The following ADGRL2 variants were observed in gnomAD, a reference collection of about 807,000 sequenced individuals.
ADGRL2 encodes the protein adhesion G protein-coupled receptor L2.
A neutral mutation model predicts 157.4 loss-of-function variants in ADGRL2; 44 were observed. The observed-to-expected ratio is 0.28, with a 90% CI of 0.22 to 0.36. ADGRL2 has a LOEUF of 0.36. Ranked by LOEUF, ADGRL2 falls within the 10% of genes least tolerant of loss-of-function variation. The pLI, the probability that ADGRL2 is intolerant of heterozygous loss-of-function variation, is 1.00. For synonymous variants in ADGRL2, 585 were observed against 624.7 expected (o/e 0.94, Z 0.95); for missense variants, 1,510 against 1,768.9 (o/e 0.85, Z 2.63).
intron 1 of ADGRL2, among the ~76,000 whole-genome samples, chr1:81,753,076 G>A (rs2085541605): frequency 6.6e-6 from 1 of 152,204 alleles, no homozygotes; most frequent in African/African-American, 2.4e-5. Context: ...GAATGGTACT[G>A]AAGACATCGC....
rs114852851 is a variant in ADGRL2 at position 81,311,521 on chromosome 1, T to G, written c.-302+5012T>G. Among the ~76,000 whole-genome samples, 514 of 152,326 alleles carry G rather than the reference T, an allele frequency of 3.4e-3. 4 individuals carry two copies. Among genetic ancestry groups the G allele is most frequent in the African/African-American group, 0.011 (459 of 41,584 alleles). ...TCCTTCACAGTCCTAGCCTCAGCAC[T>G]AAGACTAAAGCCTACTCTTGATTAA... On this transcript the variant is annotated intron_variant, in intron 1 of 24. Coordinates refer to the ADGRL2 transcript ENST00000370721.
intron 1 of ADGRL2, among the ~76,000 whole-genome samples, chr1:81,832,138 C>T (rs189211953): frequency 4.0e-4 from 61 of 152,034 alleles, no homozygotes; most frequent in African/African-American, 1.3e-3. Flanking sequence ...GTATTTCCTC[C>T]GAACTTTCTT....
In ADGRL2 at chr1:81,729,800, C is replaced by A. The variant is rs560749329; in HGVS notation, c.-143+29992C>A. 2.0e-5 allele frequency among the ~76,000 whole-genome samples: 3 copies of A among 152,308 alleles called. No homozygotes were observed. In the East Asian group the frequency reaches 5.8e-4, roughly 29 times the overall value. On this transcript the variant is annotated intron_variant, in intron 1 of 20. Coordinates refer to the ADGRL2 transcript ENST00000359929. The stretch of plus-strand genomic sequence containing the variant: ...CAATAAACTATTTAAATCAAGCCAT[C>A]TCCATCATTAATATCATTCTGGCCA...
chr1:81,328,572 A>G (rs974426388), intron 1 of ADGRL2, among the ~76,000 whole-genome samples: 1 of 152,148 alleles, frequency 6.6e-6, no homozygotes, highest in Non-Finnish European at 1.5e-5. Flanking sequence ...GTGAATTCAT[A>G]ATATTGAAAC....
At chr1:81,895,655 A>G (rs1033727994) in intron 2 of ADGRL2, among the ~76,000 whole-genome samples, 2 of 152,140 alleles carry the variant, frequency 1.3e-5, no homozygotes, top group African/African-American at 4.8e-5. Flanking sequence ...TCGGCCTCCC[A>G]AAGTGCTGGG....
rs1468258341 is a variant in ADGRL2 at position 81,343,073 on chromosome 1, T to TTTTTTC, written c.-302+36569_-302+36570insCTTTTT. Among the ~76,000 whole-genome samples, 75 of 88,186 alleles carry TTTTTTC rather than the reference T, an allele frequency of 8.5e-4. 4 individuals are homozygous for TTTTTTC. Among genetic ancestry groups the TTTTTTC allele is most frequent in the Middle Eastern group, 8.2e-3 (1 of 122 alleles). 57.9% of individuals were successfully genotyped at this position (88,186 alleles called of 152,430 possible). On this transcript the variant is annotated intron_variant, in intron 1 of 24. Transcript: ENST00000370721. ...ACAATCTTTCTCTTTTTTTCTTTTC[T>TTTTTTC]TTTTTTCTTTTTTCTTTTCTTTTTT...
At chr1:81,397,420 C>T (rs577680237) in intron 1 of ADGRL2, among the ~76,000 whole-genome samples, 24 of 147,970 alleles carry the variant, frequency 1.6e-4, no homozygotes, top group Non-Finnish European at 2.1e-4. Context: ...CCCGGGTTCA[C>T]GCCATTCTCC....
At chr1:81,608,883 T>A (rs924008720) in intron 3 of ADGRL2, among the ~76,000 whole-genome samples, 1 of 152,102 alleles carries the variant, frequency 6.6e-6, no homozygotes, top group Non-Finnish European at 1.5e-5. Context: ...AAAATTACTA[T>A]TGAGCACCTG....
intron 3 of ADGRL2, among the ~76,000 whole-genome samples, chr1:81,677,931 C>T (rs1033912582): frequency 5.3e-5 from 8 of 152,172 alleles, no homozygotes; most frequent in African/African-American, 1.2e-4. Context: ...ATCATATACC[C>T]TATGTAACAA....
At chr1:81,617,369 G>T (rs1370970179) in intron 3 of ADGRL2, among the ~76,000 whole-genome samples, 1 of 152,158 alleles carries the variant, frequency 6.6e-6, no homozygotes, top group Non-Finnish European at 1.5e-5. Context: ...TGGAAAAAAT[G>T]TCTTCCATGA....
chr1:81,778,880 T>C (rs1263489308), intron 2 of ADGRL2, among the ~76,000 whole-genome samples: 1 of 152,226 alleles, frequency 6.6e-6, no homozygotes, highest in Non-Finnish European at 1.5e-5. Flanking sequence ...TCTACACGTT[T>C]GTAGTTGTAT....
chr1:81,760,554 T>C (rs1269801245), intron 1 of ADGRL2, among the ~76,000 whole-genome samples: 1 of 152,022 alleles, frequency 6.6e-6, no homozygotes, highest in Non-Finnish European at 1.5e-5. Context: ...GCCTAAACTT[T>C]CTGCTGGTTT....
At chr1:81,977,634 T>G (rs1660546339) in intron 17 of ADGRL2, among the ~76,000 whole-genome samples, 1 of 151,818 alleles carries the variant, frequency 6.6e-6, no homozygotes, top group Admixed American at 6.6e-5. Context: ...ATTCACATTT[T>G]TTAGTTTCCT....
At chr1:81,387,420 T>G (rs527820807) in intron 1 of ADGRL2, among the ~76,000 whole-genome samples, 1 of 152,278 alleles carries the variant, frequency 6.6e-6, no homozygotes, top group South Asian at 2.1e-4. Flanking sequence ...AATAATCATT[T>G]TATTTTCTAT....
At chr1:81,550,278 A>G (rs971469218) in intron 2 of ADGRL2, among the ~76,000 whole-genome samples, 3 of 152,164 alleles carry the variant, frequency 2.0e-5, no homozygotes, top group African/African-American at 7.2e-5. Flanking sequence ...GCCTTTTGTA[A>G]AGCTAGAATC....
chr1:81,896,791 A>G (rs568010094), intron 2 of ADGRL2, among the ~76,000 whole-genome samples: 6 of 152,180 alleles, frequency 3.9e-5, no homozygotes, highest in Non-Finnish European at 8.8e-5. Flanking sequence ...GAGGTAATAT[A>G]AGTACAAAGA....
intron 2 of ADGRL2, among the ~76,000 whole-genome samples, chr1:81,845,678 T>G (rs1011835504): frequency 2.8e-5 from 4 of 140,646 alleles, no homozygotes; most frequent in Non-Finnish European, 6.3e-5. Flanking sequence ...GCTAATACTT[T>G]TCTTATTTTT....
chr1:81,485,658 G>A (rs190703646), intron 2 of ADGRL2, among the ~76,000 whole-genome samples: 31 of 152,222 alleles, frequency 2.0e-4, no homozygotes, highest in Non-Finnish European at 3.5e-4. Context: ...ATTGCTGTAG[G>A]GTGCACACAG....
At chr1:81,431,348 GAA>G (rs34448215) in intron 1 of ADGRL2, among the ~76,000 whole-genome samples, 36,686 of 151,996 alleles carry the variant, frequency 0.24, 5,075 homozygotes, top group East Asian at 0.6. Flanking sequence ...CTGACAGAAT[GAA>G]AAGTGATTCC....
Sources: allele counts gnomAD v4.1 joint callset (sites outside exome capture counted in the v4.1 genomes callset), GRCh38; gene constraint gnomAD v4.1.1; transcripts MANE v1.5; gene names NCBI Gene and HGNC (gene_info 2026-07-23, HGNC 2026-07-21).